ALOX15B: variants seen among roughly 807,000 people sequenced by gnomAD.
The protein encoded by ALOX15B is polyunsaturated fatty acid lipoxygenase ALOX15B.
In ALOX15B, 74 loss-of-function variants were observed where a neutral mutation model predicts 73.8. The observed-to-expected ratio is 1.00, with a 90% CI of 0.83 to 1.22. ALOX15B has a LOEUF of 1.22. ALOX15B is among the 50% of genes most tolerant of loss of function. The probability of loss-of-function intolerance (pLI) is 0.00; values close to 1 mark genes in which losing one functional copy is unlikely to be tolerated. For synonymous variants in ALOX15B, 353 were observed against 357.2 expected (o/e 0.99, Z 0.13); for missense variants, 896 against 859.9 (o/e 1.04, Z -0.52).
intron 3 of ALOX15B, among the ~76,000 whole-genome samples, chr17:8,041,301 G>A (rs1976457695): frequency 6.6e-6 from 1 of 152,206 alleles, no homozygotes. Context: ...GTTTGGGTTA[G>A]GAGGAACAAA....
rs761412865 is a variant in ALOX15B, at chr17:8,039,405, C to T, written c.167C>T (p.Thr56Met). 2 of 1,612,862 alleles carry T rather than the reference C, an allele frequency of 1.2e-6. No individual in the cohort carries two copies. The highest frequency in any genetic ancestry group is 1.7e-6 in the Non-Finnish European group (2 of 1,179,396). Residue 56 changes from threonine (T) to methionine (M), a missense_variant, in exon 2 of 14, where the codon ACG becomes ATG. Coordinates refer to ENST00000380183, the MANE Select transcript of ALOX15B (RefSeq NM_001141.3). ...TAGAEEDFQV[T>M]LPEDVGRVLL... ...CCTCAGGAGGAGGACTTCCAGGTGA[C>T]GCTCCCGGAGGACGTAGGCCGAGTG...
At chr17:8,040,935 C>A (rs1976449380) in intron 3 of ALOX15B, among the ~76,000 whole-genome samples, 1 of 114,578 alleles carries the variant, frequency 8.7e-6, no homozygotes, top group African/African-American at 2.7e-5. Context: ...TGGCACAAAG[C>A]CAGGAACTGC....
At position 8,047,426 on chromosome 17, in the gene ALOX15B, G is replaced by A. The variant is rs111317013; in HGVS notation, c.1579+47G>A. 2,187 of 1,608,948 alleles carry A rather than the reference G, an allele frequency of 1.4e-3. 2 individuals are homozygous for A. The highest frequency in any genetic ancestry group is 1.9e-3 in the South Asian group (176 of 90,604). On this transcript the variant is annotated intron_variant, in intron 11 of 13. Transcript: ENST00000380183. ...GGCGCATTTGAGTGAGCCCATCCCC[G>A]TGTCCCCCACCCCCTGCAGAGCACG...
chr17:8,046,610 G>T, intron 8 of ALOX15B, 58 bp from the exon 9 acceptor site: 1 of 1,552,002 alleles, frequency 6.4e-7, no homozygotes, highest in African/African-American at 1.4e-5. Flanking sequence ...TGTGGGGGAA[G>T]GTCTGGGGCC....
Position 8,047,386 on chromosome 17 carries a change from G to A in ALOX15B, c.1579+7G>A. ...CTAAACCAGGAGAGCTCAGGTACAGGGACCTCAGCCCTCAGGCGCATTTGA... is the reference window on the plus strand; with the variant it reads ...CTAAACCAGGAGAGCTCAGGTACAGAGACCTCAGCCCTCAGGCGCATTTGA... On this transcript the variant is annotated splice_region_variant and intron_variant, in intron 11 of 13. Coordinates refer to ENST00000380183, the MANE Select transcript of ALOX15B (RefSeq NM_001141.3). 1 of 1,613,630 alleles carries A rather than the reference G, an allele frequency of 6.2e-7. No homozygotes were observed. Among genetic ancestry groups the A allele is most frequent in the Non-Finnish European group, 8.5e-7 (1 of 1,179,898 alleles).
In ALOX15B at chr17:8,045,524, C is replaced by T. The variant is rs771858494; in HGVS notation, c.1038C>T (p.Pro346=). The T allele has an allele frequency of 1.2e-6, 2 of 1,614,220 alleles. No homozygotes were observed. Among genetic ancestry groups the T allele is most frequent in the Admixed American group, 3.3e-5 (2 of 60,032 alleles). ...GCCCAAACAGCCCCATCTTCCTGCC[C>T]ACTGATGACAAGTGGGACTGGTTGC... ...TPGPNSPIFL[P]TDDKWDWLLA... The change falls in exon 8 of 14, where the codon CCC becomes CCT. Residue 346 remains proline, a synonymous_variant. Coordinates refer to ENST00000380183, the MANE Select transcript of ALOX15B (RefSeq NM_001141.3).
At position 8,047,851 on chromosome 17, in the gene ALOX15B, C is replaced by T. The variant is rs770326307; in HGVS notation, c.1787C>T (p.Pro596Leu). The change falls in exon 13 of 14, where the codon CCT becomes CTT. Residue 596 changes from proline (P) to leucine (L), a missense_variant. Pro to Leu is a moderately conservative substitution (Grantham distance 98, BLOSUM62 -3). Transcript: ENST00000380183. ...GAGGGCTTCATAGCCACCCTCCCAC[C>T]TGTCAATGCCACATGTGATGTCATC... ...TCEGFIATLP[P>L]VNATCDVILA... 5.6e-6 allele frequency: 9 copies of T among 1,614,090 alleles called. No homozygotes were observed. Among genetic ancestry groups the T allele is most frequent in the African/African-American group, 2.7e-5 (2 of 74,946 alleles).
intron 3 of ALOX15B, among the ~76,000 whole-genome samples, chr17:8,040,601 G>GAGAGAGAGAGAAAGAAAGAAAGAA (rs1555638441): frequency 2.7e-5 from 3 of 109,528 alleles, no homozygotes; most frequent in South Asian, 3.2e-4. Context: ...AAGAAAGAGA[G>GAGAGAGAGAGAAAGAAAGAAAGAA]AGAAAGAAAG....
Position 8,039,223 on chromosome 17 carries a change from C to T in ALOX15B, c.68C>T (p.Ser23Phe). The T allele has an allele frequency of 6.2e-7, 1 of 1,610,744 alleles. No homozygotes were observed. The highest frequency in any genetic ancestry group is 8.5e-7 in the Non-Finnish European group (1 of 1,178,386). The change falls in exon 1 of 14, where the codon TCT becomes TTT. Residue 23 changes from serine (S) to phenylalanine (F), a missense_variant. Physicochemically the swap from Ser to Phe is radical, Grantham distance 155 (BLOSUM62 -2). Coordinates refer to ENST00000380183, the MANE Select transcript of ALOX15B (RefSeq NM_001141.3). ...AFGAGTWDKV[S>F]VSIVGTRGES... Reference sequence around the variant, plus strand: ...GGGGCTGGCACATGGGACAAAGTGTCTGTCAGCATCGTGGGGACCCGGGGA... The same window carrying T: ...GGGGCTGGCACATGGGACAAAGTGTTTGTCAGCATCGTGGGGACCCGGGGA...
rs777368790 is a variant in ALOX15B, at chr17:8,042,808, G to A, written c.600G>A (p.Leu200=). The A allele has an allele frequency of 1.3e-6, 2 of 1,558,282 alleles. No homozygotes were observed. The highest frequency in any genetic ancestry group is 1.4e-5 in the African/African-American group (1 of 73,892). ...TTGCAGAGATGAAAATCAAGGGGTT[G>A]CTGGACCGCAAGGGGCTCTGGAGGA... is the stretch of plus-strand genomic sequence containing the variant. ...SAFAEMKIKG[L]LDRKGLWRSL... is the part of the protein sequence containing the mutation. The change falls in exon 5 of 14, where the codon TTG becomes TTA. Residue 200 remains leucine, a synonymous_variant. Transcript: ENST00000380183.
At position 8,039,244 on chromosome 17, in the gene ALOX15B, G is replaced by A. The variant is rs141930531; in HGVS notation, c.89G>A (p.Arg30Gln). ...DKVSVSIVGT[R>Q]GESPPLPLDN... ...GTGTCTGTCAGCATCGTGGGGACCC[G>A]GGGAGAGAGCCCCCCACTGCCCCTG... Residue 30 changes from arginine to glutamine, a missense_variant, in exon 1 of 14, where the codon CGG (arginine) becomes CAG (glutamine). Physicochemically the swap from Arg to Gln is conservative, Grantham distance 43. Transcript: ENST00000380183. 6.2e-6 allele frequency: 10 copies of A among 1,604,390 alleles called. No homozygotes were observed. Among genetic ancestry groups the A allele is most frequent in the Middle Eastern group, 1.7e-4 (1 of 5,990 alleles).
Position 8,039,957 on chromosome 17 carries a change from G to C in ALOX15B, c.423G>C (p.Glu141Asp), listed in dbSNP as rs763790373. ...HPVLQQQRQE[E>D]LQARQEMYQW... ...TGCTCCAGCAACAGCGCCAGGAGGAGCTTCAGGCCCGGCAGGAGATGTACC... is the reference window on the plus strand; with the variant it reads ...TGCTCCAGCAACAGCGCCAGGAGGACCTTCAGGCCCGGCAGGAGATGTACC... Residue 141 changes from glutamate (E) to aspartate (D), a missense_variant, in exon 3 of 14, where the codon GAG (glutamate) becomes GAC (aspartate). Physicochemically the swap from Glu to Asp is conservative, Grantham distance 45 (BLOSUM62 2). Coordinates refer to ENST00000380183, the MANE Select transcript of ALOX15B (RefSeq NM_001141.3). 6.8e-5 allele frequency: 110 copies of C among 1,613,558 alleles called. No individual in the cohort carries two copies. Among genetic ancestry groups the C allele is most frequent in the Non-Finnish European group, 8.8e-5 (104 of 1,179,818 alleles).
chr17:8,044,460 T>A (rs1012939403), intron 5 of ALOX15B, among the ~76,000 whole-genome samples: 1 of 144,454 alleles, frequency 6.9e-6, no homozygotes, highest in East Asian at 2.0e-4. Context: ...AAAGAAAGGG[T>A]CCCGAGTCTC....
rs567291621 is a variant in ALOX15B at position 8,044,935 on chromosome 17, C to T, written c.783C>T (p.Phe261=). ...GCTGTCACTACCTCCCAAAGAACTT[C>T]CCCGTCACTGATGCCATGGTGGCCT... ...IRRCHYLPKN[F]PVTDAMVASV... is the part of the protein sequence containing the mutation. The change falls in exon 6 of 14, where the codon TTC becomes TTT. Residue 261 remains phenylalanine (F), a synonymous_variant. Transcript: ENST00000380183. 2 of 1,614,146 alleles carry T rather than the reference C, an allele frequency of 1.2e-6. No individual in the cohort carries two copies. The highest frequency in any genetic ancestry group is 1.7e-5 in the Admixed American group (1 of 60,018).
At chr17:8,040,650 A>G (rs532436677) in intron 3 of ALOX15B, among the ~76,000 whole-genome samples, 3 of 112,676 alleles carry the variant, frequency 2.7e-5, no homozygotes, top group South Asian at 5.1e-4. Context: ...AAAGAAAGAA[A>G]GAAAAGAAAG....
chr17:8,046,929 G>T lies in ALOX15B; in HGVS notation c.1310G>T (p.Gly437Val). 1.2e-6 allele frequency: 2 copies of T among 1,614,164 alleles called. No individual in the cohort carries two copies. The highest frequency in any genetic ancestry group is 2.2e-5 in the South Asian group (2 of 91,086). ...CAGTCCACAGGCATCGGCATTGAAG[G>T]CTTCTCTGAGTTGATACAGAGGAAC... is the stretch of plus-strand genomic sequence containing the variant. Reference protein sequence around the residue: ...VDRSTGIGIEGFSELIQRNMK... With the variant: ...VDRSTGIGIEVFSELIQRNMK... Residue 437 changes from glycine to valine, a missense_variant, in exon 10 of 14, where the codon GGC becomes GTC. Transcript: ENST00000380183.
intron 3 of ALOX15B, among the ~76,000 whole-genome samples, chr17:8,040,647 G>GAAAGAACGAAAGAAAGAAAGA (rs1555638511): frequency 3.3e-5 from 4 of 122,270 alleles, no homozygotes; most frequent in African/African-American, 1.1e-4. Flanking sequence ...AAGAAAGAAA[G>GAAAGAACGAAAGAAAGAAAGA]AAAGAAAAGA....
At chr17:8,041,837 C>A (rs117192300) in intron 3 of ALOX15B, among the ~76,000 whole-genome samples, 83 of 152,342 alleles carry the variant, frequency 5.4e-4, no homozygotes, top group Non-Finnish European at 7.9e-4. Flanking sequence ...AAACCTTCTG[C>A]GCAGCCCCTG....
At chr17:8,043,738 A>G (rs73972651) in intron 5 of ALOX15B, among the ~76,000 whole-genome samples, 349 of 152,186 alleles carry the variant, frequency 2.3e-3, no homozygotes, top group African/African-American at 7.9e-3. Flanking sequence ...TGGAGAATCA[A>G]TGGGATTTGA....
Sources: allele counts gnomAD v4.1 joint callset (sites outside exome capture counted in the v4.1 genomes callset), GRCh38; gene constraint gnomAD v4.1.1; transcripts MANE v1.5; gene names NCBI Gene and HGNC (gene_info 2026-07-23, HGNC 2026-07-21).